RAD51B: variants seen among roughly 807,000 people sequenced by gnomAD.
RAD51B encodes DNA repair protein RAD51 homolog 2.
Under a neutral mutation model 42.2 loss-of-function variants are expected in RAD51B, and 38 were observed. That is an observed-to-expected ratio of 0.90 (90% CI 0.70 to 1.18). The LOEUF (loss-of-function observed/expected upper bound fraction) is 1.18, where lower values mean the gene tolerates loss of function less well. Ranked by LOEUF, RAD51B falls within the 50% of genes most tolerant of loss-of-function variation. The pLI is 0.00. For synonymous variants in RAD51B, 154 were observed against 145.2 expected (o/e 1.06, Z -0.43); for missense variants, 373 against 400.7 (o/e 0.93, Z 0.59).
At chr14:68,473,506 A>G (rs930594988) in intron 10 of RAD51B, among the ~76,000 whole-genome samples, 2 of 151,870 alleles carry the variant, frequency 1.3e-5, no homozygotes, top group East Asian at 1.9e-4. Context: ...CCCTCCCTCC[A>G]TGACATCTTC....
chr14:68,455,589 G>A (rs909516058), intron 9 of RAD51B, among the ~76,000 whole-genome samples: 9 of 152,002 alleles, frequency 5.9e-5, no homozygotes, highest in East Asian at 5.8e-4. Context: ...ACGTGGTGGC[G>A]GGCGCCTGTA....
intron 4 of RAD51B, among the ~76,000 whole-genome samples, chr14:67,860,841 T>C (rs929318107): frequency 6.6e-6 from 1 of 152,220 alleles, no homozygotes; most frequent in African/African-American, 2.4e-5. Flanking sequence ...CATAGGTTGA[T>C]GTCAGATATG....
chr14:68,476,055 A>G (rs896652054), intron 10 of RAD51B, among the ~76,000 whole-genome samples: 2 of 152,184 alleles, frequency 1.3e-5, no homozygotes, highest in African/African-American at 4.8e-5. Context: ...GAAAAAAAAA[A>G]AAAAAAGGTC....
chr14:68,659,110 T>C (rs1200717396), intron 11 of RAD51B, among the ~76,000 whole-genome samples: 4 of 152,174 alleles, frequency 2.6e-5, no homozygotes, highest in African/African-American at 4.8e-5. Flanking sequence ...TGGACAGCGC[T>C]GGGGGAAAGC....
chr14:68,518,152 G>A (rs1886290062), intron 10 of RAD51B, among the ~76,000 whole-genome samples: 2 of 152,202 alleles, frequency 1.3e-5, no homozygotes, highest in South Asian at 2.1e-4. Flanking sequence ...TTGTATTGCC[G>A]TGGAAGAGCT....
chr14:68,662,615 G>A (rs1047452835), intron 11 of RAD51B, among the ~76,000 whole-genome samples: 2 of 152,188 alleles, frequency 1.3e-5, no homozygotes, highest in Admixed American at 6.5e-5. Flanking sequence ...AGAGAGCCAT[G>A]AGCTGTCTGC....
At chr14:68,066,032 ATATT>A (rs147472236) in intron 7 of RAD51B, among the ~76,000 whole-genome samples, 39,764 of 151,666 alleles carry the variant, frequency 0.26, 6,795 homozygotes, top group African/African-American at 0.49. Flanking sequence ...ATGTATATAA[ATATT>A]TATCTGCAAA....
intron 7 of RAD51B, among the ~76,000 whole-genome samples, chr14:68,104,447 C>T (rs990758168): frequency 6.6e-6 from 1 of 152,066 alleles, no homozygotes; most frequent in Non-Finnish European, 1.5e-5. Flanking sequence ...AGTATTATTA[C>T]TAATTAAAAG....
chr14:68,384,815 T>A (rs573484502), intron 8 of RAD51B, among the ~76,000 whole-genome samples: 1 of 152,288 alleles, frequency 6.6e-6, no homozygotes, highest in African/African-American at 2.4e-5. Context: ...ATAACTGCTT[T>A]CCCTCCAGAA....
chr14:68,373,194 T>C (rs2083295609), intron 8 of RAD51B, among the ~76,000 whole-genome samples: 2 of 152,254 alleles, frequency 1.3e-5, no homozygotes, highest in South Asian at 4.1e-4. Flanking sequence ...CATTATTTGC[T>C]AATTTACTAT....
chr14:68,215,195 G>A (rs2079788626), intron 7 of RAD51B, among the ~76,000 whole-genome samples: 1 of 152,160 alleles, frequency 6.6e-6, no homozygotes, highest in South Asian at 2.1e-4. Flanking sequence ...TAGGGAATGA[G>A]AAGAAAGTGA....
chr14:67,840,263 T>C (rs2041381409), intron 4 of RAD51B, among the ~76,000 whole-genome samples: 1 of 152,182 alleles, frequency 6.6e-6, no homozygotes, highest in Non-Finnish European at 1.5e-5. Context: ...AGTAGTTTTT[T>C]TAGCCTTTTT....
At chr14:68,218,302 G>C (rs2079855555) in intron 7 of RAD51B, among the ~76,000 whole-genome samples, 1 of 152,114 alleles carries the variant, frequency 6.6e-6, no homozygotes, top group Non-Finnish European at 1.5e-5. Flanking sequence ...TGAGTACCAG[G>C]GGTTAGGAAA....
At chr14:68,342,085 G>T (rs1229917818) in intron 8 of RAD51B, among the ~76,000 whole-genome samples, 1 of 152,046 alleles carries the variant, frequency 6.6e-6, no homozygotes, top group African/African-American at 2.4e-5. Flanking sequence ...CATATAATTT[G>T]CTTACCCCTT....
chr14:68,342,078 A>G (rs1465017838), intron 8 of RAD51B, among the ~76,000 whole-genome samples: 2 of 152,124 alleles, frequency 1.3e-5, no homozygotes, highest in Non-Finnish European at 2.9e-5. Flanking sequence ...TGCTCCCCAT[A>G]TAATTTGCTT....
chr14:67,955,802 A>G (rs2074535340), intron 7 of RAD51B, among the ~76,000 whole-genome samples: 1 of 152,258 alleles, frequency 6.6e-6, no homozygotes, highest in African/African-American at 2.4e-5. Context: ...CCTTTTGTTA[A>G]CATGAATGTG....
At chr14:68,095,614 C>T (rs1232097523) in intron 7 of RAD51B, among the ~76,000 whole-genome samples, 1 of 151,994 alleles carries the variant, frequency 6.6e-6, no homozygotes, top group Admixed American at 6.6e-5. Flanking sequence ...TTCACATACC[C>T]AATACCATAG....
At chr14:67,854,147 C>T (rs181849418) in intron 4 of RAD51B, among the ~76,000 whole-genome samples, 2 of 152,152 alleles carry the variant, frequency 1.3e-5, no homozygotes, top group Non-Finnish European at 2.9e-5. Context: ...TTAACCACAC[C>T]CTCCAATGAA....
At chr14:68,442,501 C>T (rs1191618560) in intron 9 of RAD51B, among the ~76,000 whole-genome samples, 3 of 124,808 alleles carry the variant, frequency 2.4e-5, no homozygotes, top group Non-Finnish European at 3.1e-5. Context: ...AGAGCAGTGG[C>T]GCGATTTCAG....
Sources: allele counts gnomAD v4.1 joint callset (sites outside exome capture counted in the v4.1 genomes callset), GRCh38; gene constraint gnomAD v4.1.1; transcripts MANE v1.5; gene names NCBI Gene and HGNC (gene_info 2026-07-23, HGNC 2026-07-21).